Variants in CDH2 observed in about 807,000 individuals in gnomAD.
The protein encoded by CDH2 is cadherin 2.
CDH2 carries 17 observed loss-of-function variants against 92.0 expected under a neutral mutation model. The observed-to-expected ratio is 0.18, with a 90% CI of 0.13 to 0.28. The LOEUF is 0.28. Ranked by LOEUF, CDH2 falls within the 10% of genes least tolerant of loss-of-function variation. CDH2 has a pLI of 1.00. For synonymous variants in CDH2, 419 were observed against 415.9 expected (o/e 1.01, Z -0.09); for missense variants, 862 against 1,133.1 (o/e 0.76, Z 3.44).
intron 6 of CDH2, among the ~76,000 whole-genome samples, chr18:27,943,794 C>G (rs1909200655): frequency 6.6e-6 from 1 of 152,072 alleles, no homozygotes; most frequent in African/African-American, 2.4e-5. Flanking sequence ...TCTACAACCA[C>G]AAAAGAGGTC....
At chr18:27,985,345 A>C (rs761224960) in intron 12 of CDH2, 112 bp from the exon 13 acceptor site, 3 of 780,810 alleles carry the variant, frequency 3.8e-6, no homozygotes, top group African/African-American at 1.8e-5. Flanking sequence ...AAAGCGGATT[A>C]CAACTATGCT....
chr18:28,113,476 A>G (rs1359929016), intron 2 of CDH2, among the ~76,000 whole-genome samples: 3 of 123,346 alleles, frequency 2.4e-5, no homozygotes, highest in East Asian at 4.4e-4. Flanking sequence ...CAGCAAAAGG[A>G]AAAAAAAAAA....
chr18:28,075,211 A>G (rs1381279979), intron 2 of CDH2, among the ~76,000 whole-genome samples: 2 of 152,194 alleles, frequency 1.3e-5, no homozygotes, highest in African/African-American at 2.4e-5. Context: ...ACATAAAGTA[A>G]AAAGTGCTGT....
chr18:28,014,475 T>A (rs1322497793), intron 2 of CDH2, among the ~76,000 whole-genome samples: 1 of 152,184 alleles, frequency 6.6e-6, no homozygotes, highest in East Asian at 1.9e-4. Context: ...AAGCAATGCA[T>A]TTATTAATGT....
intron 9 of CDH2, 58 bp downstream of exon 9, chr18:27,992,597 A>G: frequency 7.2e-7 from 1 of 1,384,074 alleles, no homozygotes; most frequent in Non-Finnish European, 1.0e-6. Context: ...AGTGGGGGAC[A>G]TATATTGGTC....
intron 14 of CDH2, among the ~76,000 whole-genome samples, chr18:27,964,310 A>T (rs1467267688): frequency 6.6e-6 from 1 of 152,186 alleles, no homozygotes; most frequent in Non-Finnish European, 1.5e-5. Flanking sequence ...TGCTCTGGCC[A>T]TAGGTTGGGC....
intron 2 of CDH2, among the ~76,000 whole-genome samples, chr18:28,023,079 C>A (rs1028609589): frequency 6.6e-6 from 1 of 152,066 alleles, no homozygotes; most frequent in African/African-American, 2.4e-5. Flanking sequence ...TGGCAAATAT[C>A]AGTAAATGTG....
intron 15 of CDH2, among the ~76,000 whole-genome samples, chr18:27,959,270 G>C (rs971469417): frequency 2.0e-5 from 3 of 152,138 alleles, no homozygotes; most frequent in Non-Finnish European, 4.4e-5. Flanking sequence ...TACCAGACTG[G>C]AAATAAGTTA....
Position 28,147,764 on chromosome 18 carries a change from A to C in CDH2, c.81T>G (p.Gly27=). 1 of 1,610,260 alleles carries C rather than the reference A, an allele frequency of 6.2e-7. No individual in the cohort carries two copies. Among genetic ancestry groups the C allele is most frequent in the Non-Finnish European group, 8.5e-7 (1 of 1,177,800 alleles). Residue 27 remains glycine, a synonymous_variant, in exon 2 of 16, where the codon GGT becomes GGG. Transcript: ENST00000269141. ...ALLQASVEAS[G]EIALCKTGFP... Reference sequence around the variant, plus strand: ...ATCCAGTCTTGCATAATGCGATTTCACCAGAAGCCTCTACAGACGCCTGCA... The same window carrying C: ...ATCCAGTCTTGCATAATGCGATTTCCCCAGAAGCCTCTACAGACGCCTGCA...
Position 28,011,830 on chromosome 18 carries a change from A to C in CDH2, c.546+16T>G. 6.2e-7 allele frequency: 1 copy of C among 1,611,036 alleles called. No individual in the cohort carries two copies. Among genetic ancestry groups the C allele is most frequent in the East Asian group, 2.2e-5 (1 of 44,852 alleles). On this transcript the variant is annotated intron_variant, in intron 4 of 15. Coordinates refer to ENST00000269141, the MANE Select transcript of CDH2 (RefSeq NM_001792.5). ...TGTCTTGTGGTATGAAAACAGTTAA[A>C]ATTGTGCCACCTTACCCTGACAAGC...
intron 2 of CDH2, among the ~76,000 whole-genome samples, chr18:28,035,234 T>C (rs2013797540): frequency 1.3e-5 from 2 of 152,014 alleles, no homozygotes; most frequent in Admixed American, 1.3e-4. Context: ...ATAATGGCCA[T>C]ACACAGACAT....
At chr18:27,971,249 T>C (rs541294690) in intron 14 of CDH2, among the ~76,000 whole-genome samples, 126 of 148,824 alleles carry the variant, frequency 8.5e-4, no homozygotes, top group African/African-American at 3.0e-3. Context: ...AAAAAAAAGG[T>C]AGCTGGTGGA....
chr18:28,046,208 G>T, intron 2 of CDH2, among the ~76,000 whole-genome samples: 1 of 152,024 alleles, frequency 6.6e-6, no homozygotes, highest in East Asian at 1.9e-4. Flanking sequence ...AGCAGCACCA[G>T]AAAAAAAGCT....
At chr18:27,949,946 TTATC>T (rs1421480341), downstream of CDH2, among the ~76,000 whole-genome samples, 1 of 151,996 alleles carries the variant, frequency 6.6e-6, no homozygotes, top group Non-Finnish European at 1.5e-5. Context: ...TAAACAGTGT[TTATC>T]TAAATGGTGT....
intron 2 of CDH2, among the ~76,000 whole-genome samples, chr18:28,121,964 C>A (rs528325141): frequency 1.3e-5 from 2 of 152,096 alleles, no homozygotes; most frequent in African/African-American, 4.8e-5. Flanking sequence ...AGAGAAAGAA[C>A]TAAAGGTGAT....
chr18:27,992,510 C>A, intron 9 of CDH2, 145 bp downstream of exon 9: 2 of 578,484 alleles, frequency 3.5e-6, no homozygotes, highest in Non-Finnish European at 5.9e-6. Context: ...TAAGATATAA[C>A]CTCCCAAATA....
At chr18:28,070,860 C>T (rs1017939292) in intron 2 of CDH2, among the ~76,000 whole-genome samples, 3 of 152,126 alleles carry the variant, frequency 2.0e-5, no homozygotes, top group Admixed American at 6.6e-5. Flanking sequence ...TGGTAGGATT[C>T]GAATTAAATT....
chr18:27,960,176 C>A (rs959019453), intron 15 of CDH2, among the ~76,000 whole-genome samples: 1 of 152,150 alleles, frequency 6.6e-6, no homozygotes, highest in Non-Finnish European at 1.5e-5. Context: ...CCTGTCTCCC[C>A]TCCCCTGGAA....
intron 13 of CDH2, 113 bp downstream of exon 13, chr18:27,984,887 T>C (rs2012173775): frequency 1.3e-6 from 1 of 748,524 alleles, no homozygotes; most frequent in South Asian, 1.8e-5. Flanking sequence ...GAGGAAATGC[T>C]GAAAGGTCAA....
Sources: allele counts gnomAD v4.1 joint callset (sites outside exome capture counted in the v4.1 genomes callset), GRCh38; gene constraint gnomAD v4.1.1; transcripts MANE v1.5; gene names NCBI Gene and HGNC (gene_info 2026-07-23, HGNC 2026-07-21).